KNL1: variants seen among roughly 807,000 people sequenced by gnomAD.
KNL1 encodes the protein outer kinetochore KNL1 complex subunit KNL1.
KNL1 carries 66 observed loss-of-function variants against 201.3 expected under a neutral mutation model. That is an observed-to-expected ratio of 0.33 (90% CI 0.27 to 0.40). The LOEUF (loss-of-function observed/expected upper bound fraction) is 0.40, where lower values mean the gene tolerates loss of function less well. Among genes scored for constraint, KNL1 ranks in the 10% least tolerant of loss-of-function variants. The pLI is 1.00. For synonymous variants in KNL1, 895 were observed against 899.2 expected (o/e 1.00, Z 0.08); for missense variants, 2,815 against 2,690.5 (o/e 1.05, Z -1.02).
In KNL1 at chr15:40,622,310, A is replaced by G. The variant is rs369278216; in HGVS notation, c.2046A>G (p.Gln682=). ...IVYCGGVLDK[Q]ITNRNTVSWE... ...ACTGTGGTGGAGTTCTTGATAAACA[A>G]ATAACTAATAGAAATACAGTATCAT... Residue 682 remains glutamine, a synonymous_variant, in exon 10 of 26, where the codon CAA becomes CAG. Coordinates refer to ENST00000399668, the MANE Select transcript of KNL1 (RefSeq NM_144508.5). 75 of 1,613,930 alleles carry G rather than the reference A, an allele frequency of 4.6e-5. No individual in the cohort carries two copies. In the African/African-American group the frequency reaches 1.0e-3, roughly 22 times the overall value.
At chr15:40,605,201 C>G (rs139245173) in intron 3 of KNL1, 52 bp downstream of exon 3, 1 of 999,408 alleles carries the variant, frequency 1.0e-6, no homozygotes, top group Non-Finnish European at 1.6e-6. Flanking sequence ...TTAATGATAA[C>G]CATATATCAC....
chr15:40,610,392 T>G, intron 6 of KNL1, 95 bp downstream of exon 6: 1 of 713,598 alleles, frequency 1.4e-6, no homozygotes, highest in Non-Finnish European at 2.5e-6. Context: ...ATTGTCTATC[T>G]TATTGCTTAA....
Position 40,651,511 on chromosome 15 carries a change from G to A in KNL1, c.6253G>A (p.Ala2085Thr), listed in dbSNP as rs768788647. The part of the protein sequence containing the change: ...ELEVQKEQTL[A>T]QIDFMQKQRN... ...GGAGGTACAAAAAGAGCAGACCCTT[G>A]CTCAAATAGACTTTATGCAAAAACA... is the stretch of plus-strand genomic sequence containing the variant. Residue 2085 changes from alanine to threonine, a missense_variant, in exon 20 of 26, where the codon GCT (alanine) becomes ACT (threonine). By Grantham distance (58) the Ala-to-Thr change is moderately conservative. This residue lies in a region of KNL1 where 334 missense variants were observed against 362.6 expected (regional missense o/e 0.92). Coordinates refer to ENST00000399668, the MANE Select transcript of KNL1 (RefSeq NM_144508.5). The A allele has an allele frequency of 1.9e-6, 3 of 1,610,390 alleles. No homozygotes were observed. Among genetic ancestry groups the A allele is most frequent in the Non-Finnish European group, 2.5e-6 (3 of 1,178,774 alleles).
At chr15:40,603,095 T>G in intron 2 of KNL1, 129 bp downstream of exon 2, 1 of 597,242 alleles carries the variant, frequency 1.7e-6, no homozygotes, top group South Asian at 2.1e-5. Context: ...AGTAGTTTTT[T>G]TTTTTAAATT....
Position 40,621,104 on chromosome 15 carries a change from G to T in KNL1, c.840G>T (p.Gly280=), listed in dbSNP as rs777829942. ...ITRLFREKDD[G]MNFTQCHTAN... Reference sequence around the variant, plus strand: ...GGCTCTTTAGAGAAAAAGATGATGGGATGAATTTCACCCAGTGTCATACAG... The same window carrying T: ...GGCTCTTTAGAGAAAAAGATGATGGTATGAATTTCACCCAGTGTCATACAG... Residue 280 remains glycine, a synonymous_variant, in exon 10 of 26, where the codon GGG becomes GGT. Coordinates refer to ENST00000399668, the MANE Select transcript of KNL1 (RefSeq NM_144508.5). 5.6e-6 allele frequency: 9 copies of T among 1,613,628 alleles called. No homozygotes were observed. Among genetic ancestry groups the T allele is most frequent in the Non-Finnish European group, 7.6e-6 (9 of 1,179,848 alleles).
Position 40,606,413 on chromosome 15 carries a change from T to C in KNL1, c.96T>C (p.Ser32=). 6.3e-7 allele frequency: 1 copy of C among 1,582,176 alleles called. No individual in the cohort carries two copies. The highest frequency in any genetic ancestry group is 8.7e-7 in the Non-Finnish European group (1 of 1,151,532). ...CCTAGATATTGAAACCCCCAAGGAG[T>C]CCTCTTCAGGACCTCAGAGGTGGGA... The part of the protein sequence containing the change: ...RHSSILKPPR[S]PLQDLRGGNE... Residue 32 remains serine, a synonymous_variant, in exon 4 of 26, where the codon AGT becomes AGC. Coordinates refer to ENST00000399668, the MANE Select transcript of KNL1 (RefSeq NM_144508.5).
intron 25 of KNL1, 24 bp from the exon 26 acceptor site, chr15:40,662,050 T>C: frequency 2.1e-6 from 3 of 1,405,122 alleles, no homozygotes; most frequent in East Asian, 4.6e-5. Context: ...AAAAAGAAAA[T>C]TGATTAACCT....
At chr15:40,647,951 T>C (rs1893444727) in intron 17 of KNL1, among the ~76,000 whole-genome samples, 1 of 152,222 alleles carries the variant, frequency 6.6e-6, no homozygotes, top group Non-Finnish European at 1.5e-5. Flanking sequence ...TTCTTTTCTA[T>C]ATTCTCTCCC....
At chr15:40,608,943 G>A (rs775348242) in intron 5 of KNL1, 35 bp downstream of exon 5, 21 of 1,432,062 alleles carry the variant, frequency 1.5e-5, no homozygotes, top group Non-Finnish European at 2.1e-5. Flanking sequence ...AAATATTATA[G>A]GTACTGGTAT....
chr15:40,618,566 A>C (rs1490135234), intron 8 of KNL1, among the ~76,000 whole-genome samples: 7 of 152,112 alleles, frequency 4.6e-5, no homozygotes, highest in Non-Finnish European at 5.9e-5. Flanking sequence ...CCATCTTTAA[A>C]ATCACCACCA....
At chr15:40,648,623 T>G (rs1284605140) in intron 17 of KNL1, among the ~76,000 whole-genome samples, 1 of 152,154 alleles carries the variant, frequency 6.6e-6, no homozygotes, top group Non-Finnish European at 1.5e-5. Context: ...TTATTTTCCT[T>G]TCCTATTAAG....
At chr15:40,660,360 C>T (rs1893871493) in intron 25 of KNL1, among the ~76,000 whole-genome samples, 1 of 151,992 alleles carries the variant, frequency 6.6e-6, no homozygotes, top group Admixed American at 6.6e-5. Context: ...ATGTAAACAA[C>T]TTTTATGGCC....
At chr15:40,630,290 T>G (rs1047726652) in intron 13 of KNL1, among the ~76,000 whole-genome samples, 5 of 152,166 alleles carry the variant, frequency 3.3e-5, no homozygotes, top group Non-Finnish European at 5.9e-5. Context: ...TTCCAAAAGT[T>G]AGTTATACTC....
At chr15:40,627,937 C>A in intron 10 of KNL1, 133 bp from the exon 11 acceptor site, 1 of 635,234 alleles carries the variant, frequency 1.6e-6, no homozygotes. Context: ...GTTACTTATT[C>A]TAATTCTTCA....
chr15:40,622,535 G>A lies in KNL1; in HGVS notation c.2271G>A (p.Glu757=), dbSNP rs1385381974. 2.5e-6 allele frequency: 4 copies of A among 1,613,842 alleles called. No individual in the cohort carries two copies. The African/African-American group carries it at 5.3e-5, about 22-fold the overall frequency. The change falls in exon 10 of 26, where the codon GAG becomes GAA. Residue 757 remains glutamate (E), a synonymous_variant. Transcript: ENST00000399668. ...YCHDKMIICS[E]EEQNMDLTKS... Reference sequence around the variant, plus strand: ...ATGACAAGATGATTATATGTTCAGAGGAAGAGCAAAATATGGATCTAACAA... The same window carrying A: ...ATGACAAGATGATTATATGTTCAGAAGAAGAGCAAAATATGGATCTAACAA...
At position 40,623,434 on chromosome 15, in the gene KNL1, C is replaced by G. The variant is rs546541262; in HGVS notation, c.3170C>G (p.Pro1057Arg). The G allele has an allele frequency of 3.1e-6, 5 of 1,612,712 alleles. No individual in the cohort carries two copies. In the South Asian group the frequency reaches 5.5e-5, roughly 18 times the overall value. ...CAAAGTCCTGGATTTCTGAATGAACCTCTATCAAGCAAAAGTCAGAGAAGA... is the reference window on the plus strand; with the variant it reads ...CAAAGTCCTGGATTTCTGAATGAACGTCTATCAAGCAAAAGTCAGAGAAGA... ...DVQSPGFLNE[P>R]LSSKSQRRKS... The change falls in exon 10 of 26, where the codon CCT becomes CGT. Residue 1057 changes from proline to arginine, a missense_variant. Pro to Arg is a moderately radical substitution (Grantham distance 103, BLOSUM62 -2). This residue lies in a region of KNL1 where 2,464 missense variants were observed against 2,291.7 expected (regional missense o/e 1.08). Transcript: ENST00000399668.
Position 40,663,241 on chromosome 15 carries a change from A to G in KNL1, c.*1053A>G, listed in dbSNP as rs1893962107. The G allele has an allele frequency of 6.2e-6, 1 of 162,562 alleles. No homozygotes were observed. Among genetic ancestry groups the G allele is most frequent in the Non-Finnish European group, 1.3e-5 (1 of 74,126 alleles). 10.1% of individuals were successfully genotyped at this position (162,562 alleles called of 1,614,324 possible). A position where few individuals can be genotyped will look rare whatever the true frequency, so the allele number is the denominator to read the frequency against. On this transcript the variant is annotated 3_prime_UTR_variant, in exon 26 of 26. Transcript: ENST00000399668. Reference sequence around the variant, plus strand: ...TGCCGGGCTAATTTTTTGTCTTTTTAGTAGAAATGGGGTTTCACGATGTTA... The same window carrying G: ...TGCCGGGCTAATTTTTTGTCTTTTTGGTAGAAATGGGGTTTCACGATGTTA...
intron 13 of KNL1, among the ~76,000 whole-genome samples, chr15:40,638,052 A>G (rs1340595399): frequency 6.6e-6 from 1 of 151,768 alleles, no homozygotes; most frequent in Non-Finnish European, 1.5e-5. Flanking sequence ...CTGGCAGCAT[A>G]TGCCTGTAGT....
intron 8 of KNL1, among the ~76,000 whole-genome samples, chr15:40,618,109 T>A (rs1892404140): frequency 6.6e-6 from 1 of 151,898 alleles, no homozygotes; most frequent in South Asian, 2.1e-4. Flanking sequence ...TAAGTATTTT[T>A]AAATGTATTT....
Sources: gnomAD v4.1 joint callset for allele counts (sites outside exome capture counted in the v4.1 genomes callset) on GRCh38, gnomAD v4.1.1 for gene constraint, gnomAD v4.1.1 regional missense constraint, MANE v1.5 for transcripts, NCBI Gene and HGNC (gene_info 2026-07-23, HGNC 2026-07-21) for gene names.